GABRG2: variants seen among roughly 807,000 people sequenced by gnomAD.
GABRG2 encodes gamma-aminobutyric acid receptor subunit gamma-2.
A neutral mutation model predicts 56.4 loss-of-function variants in GABRG2; 16 were observed. The ratio of observed to expected loss-of-function variants is 0.28; its 90% CI spans 0.19 to 0.43. The LOEUF (loss-of-function observed/expected upper bound fraction) is 0.43. Ranked by LOEUF, GABRG2 falls within the 20% of genes least tolerant of loss-of-function variation. GABRG2 has a pLI of 1.00. For synonymous variants in GABRG2, 208 were observed against 205.5 expected, an observed-to-expected ratio of 1.01 and a Z score of -0.10; for missense variants, 327 against 582.7, an observed-to-expected ratio of 0.56 and a Z score of 4.52.
intron 6 of GABRG2, among the ~76,000 whole-genome samples, chr5:162,122,750 A>G (rs1763059238): frequency 6.6e-6 from 1 of 151,750 alleles, no homozygotes; most frequent in African/African-American, 2.4e-5. Context: ...AACATTAAAG[A>G]AAAATAGTAT....
At chr5:162,074,953 C>G (rs1758973743) in intron 1 of GABRG2, among the ~76,000 whole-genome samples, 1 of 152,018 alleles carries the variant, frequency 6.6e-6, no homozygotes. Context: ...TACCTGATTT[C>G]CGTAGGCAGA....
chr5:162,149,093 T>C lies in GABRG2; in HGVS notation c.923-15T>C, dbSNP rs2113632365. On this transcript the variant is annotated splice_polypyrimidine_tract_variant and intron_variant, in intron 7 of 9. Transcript: ENST00000639213. ...TATGCAATCACATGACCTGTATTAT[T>C]ACACCTCTCTTCAGGTATCACCACT... 6.2e-7 allele frequency: 1 copy of C among 1,612,348 alleles called. No individual in the cohort carries two copies. Among genetic ancestry groups the C allele is most frequent in the South Asian group, 1.1e-5 (1 of 91,052 alleles).
chr5:162,136,690 G>A (rs913727008), intron 6 of GABRG2, among the ~76,000 whole-genome samples: 1 of 152,132 alleles, frequency 6.6e-6, no homozygotes, highest in Non-Finnish European at 1.5e-5. Flanking sequence ...GTTAAATTTA[G>A]ATTACCCATA....
intron 8 of GABRG2, 188 bp from the exon 9 acceptor site, chr5:162,151,542 T>G (rs534587768): frequency 1.9e-6 from 1 of 534,770 alleles, no homozygotes; most frequent in African/African-American, 1.9e-5. Context: ...AAATTACACT[T>G]AACTTTAAGC....
chr5:162,127,572 G>T (rs1763430552), intron 6 of GABRG2, among the ~76,000 whole-genome samples: 1 of 151,844 alleles, frequency 6.6e-6, no homozygotes, highest in African/African-American at 2.4e-5. Flanking sequence ...GTCAATGAAT[G>T]AATGAATGAC....
At chr5:162,102,874 A>C (rs1020158608) in intron 5 of GABRG2, 3 of 180,030 alleles carry the variant, frequency 1.7e-5, no homozygotes, top group African/African-American at 7.1e-5. Context: ...TAATAGATAA[A>C]GCTGCATCAA....
intron 6 of GABRG2, among the ~76,000 whole-genome samples, chr5:162,128,774 G>T (rs147220827): frequency 6.6e-6 from 1 of 152,016 alleles, no homozygotes; most frequent in African/African-American, 2.4e-5. Context: ...TGTGGTCATG[G>T]TTATCCTGTT....
At chr5:162,093,495 C>G (rs1274156743) in intron 1 of GABRG2, among the ~76,000 whole-genome samples, 1 of 152,084 alleles carries the variant, frequency 6.6e-6, no homozygotes, top group Non-Finnish European at 1.5e-5. Context: ...GATCCTTTAA[C>G]CTCCATTTTC....
At chr5:162,076,801 C>A (rs1184506197) in intron 1 of GABRG2, among the ~76,000 whole-genome samples, 2 of 152,024 alleles carry the variant, frequency 1.3e-5, no homozygotes, top group African/African-American at 4.8e-5. Flanking sequence ...TATTCAGGGT[C>A]ATGACTAACT....
At chr5:162,145,416 G>T (rs978470256) in intron 7 of GABRG2, among the ~76,000 whole-genome samples, 1 of 152,096 alleles carries the variant, frequency 6.6e-6, no homozygotes, top group Non-Finnish European at 1.5e-5. Context: ...TAAAAGCTAT[G>T]GATATATTTC....
chr5:162,087,734 C>G (rs1760240745), intron 1 of GABRG2, among the ~76,000 whole-genome samples: 1 of 152,090 alleles, frequency 6.6e-6, no homozygotes, highest in Admixed American at 6.6e-5. Context: ...GTCAGTGTCT[C>G]CCAATTTAGT....
At chr5:162,121,716 T>G (rs2113484776) in intron 6 of GABRG2, among the ~76,000 whole-genome samples, 1 of 152,120 alleles carries the variant, frequency 6.6e-6, no homozygotes, top group East Asian at 1.9e-4. Flanking sequence ...ACATAGTAGG[T>G]GCTTTTTAAA....
Position 162,103,776 on chromosome 5 carries a change from A to C in GABRG2, c.632-113A>C, listed in dbSNP as rs967482548. 5 of 1,185,382 alleles carry C rather than the reference A, an allele frequency of 4.2e-6. No homozygotes were observed. In the African/African-American group the frequency reaches 7.6e-5, roughly 18 times the overall value. The allele number at this position is 1,185,382 out of a possible 1,614,324, so 73.4% of individuals were successfully genotyped here. On this transcript the variant is annotated intron_variant, in intron 5 of 9. Coordinates refer to ENST00000639213, the MANE Select transcript of GABRG2 (RefSeq NM_198904.4). ...GCCCTTTGGTCCAAGATCCTCATTT[A>C]GCTTGTAACTATCTTTCTCAGTCTT...
intron 7 of GABRG2, among the ~76,000 whole-genome samples, chr5:162,146,266 C>T (rs956958784): frequency 2.6e-5 from 4 of 152,056 alleles, no homozygotes; most frequent in Admixed American, 6.5e-5. Flanking sequence ...CAGAGCACAG[C>T]ATTTGAAGTC....
chr5:162,084,701 A>T (rs555956729), intron 1 of GABRG2, among the ~76,000 whole-genome samples: 17 of 152,050 alleles, frequency 1.1e-4, no homozygotes, highest in African/African-American at 3.9e-4. Flanking sequence ...TATGTTAGTC[A>T]TCATATAAAT....
intron 1 of GABRG2, among the ~76,000 whole-genome samples, chr5:162,090,803 C>T (rs1347758613): frequency 2.0e-5 from 3 of 152,084 alleles, no homozygotes; most frequent in Admixed American, 1.3e-4. Flanking sequence ...AATATGTTTG[C>T]TCTCTATCCA....
chr5:162,106,379 T>C lies in GABRG2; in HGVS notation c.769+2353T>C, dbSNP rs115593272. On this transcript the variant is annotated intron_variant, in intron 6 of 9. Coordinates refer to ENST00000639213, the MANE Select transcript of GABRG2 (RefSeq NM_198904.4). ...GGTTTGTATTTTGTGTGTAGTACTA[T>C]TTCAACGGGCTCGGTGACGAGAAAG... Among the ~76,000 whole-genome samples, 1,287 of 152,288 alleles carry C rather than the reference T, an allele frequency of 8.5e-3. 11 individuals carry two copies. The highest frequency in any genetic ancestry group is 0.029 in the African/African-American group (1,194 of 41,548).
intron 6 of GABRG2, among the ~76,000 whole-genome samples, chr5:162,123,823 T>C (rs562050004): frequency 6.6e-6 from 1 of 152,090 alleles, no homozygotes; most frequent in South Asian, 2.1e-4. Context: ...TAAATGGGCC[T>C]GTCTACCTCC....
chr5:162,120,878 C>A (rs543186279), intron 6 of GABRG2, among the ~76,000 whole-genome samples: 1 of 152,208 alleles, frequency 6.6e-6, no homozygotes, highest in South Asian at 2.1e-4. Context: ...TAAAAGCCAG[C>A]ATTGCTTTCT....
Sources: allele counts gnomAD v4.1 joint callset (sites outside exome capture counted in the v4.1 genomes callset), GRCh38; gene constraint gnomAD v4.1.1; transcripts MANE v1.5; gene names NCBI Gene and HGNC (gene_info 2026-07-23, HGNC 2026-07-21).